The following TSPAN4 variants were observed in gnomAD, a reference collection of about 807,000 sequenced individuals.
The protein encoded by TSPAN4 is tetraspanin-4.
Under a neutral mutation model 31.5 loss-of-function variants are expected in TSPAN4, and 38 were observed. That is an observed-to-expected ratio of 1.21 (90% CI 0.93 to 1.58). The LOEUF (loss-of-function observed/expected upper bound fraction) is 1.58, where lower values mean the gene tolerates loss of function less well. TSPAN4 is among the 40% of genes most tolerant of loss of function. TSPAN4 has a pLI of 0.00. For missense variants in TSPAN4, 330 were observed against 317.3 expected, an observed-to-expected ratio of 1.04 and a Z score of -0.30; for synonymous variants, 186 against 144.6, an observed-to-expected ratio of 1.29 and a Z score of -2.06.
At position 865,688 on chromosome 11, in the gene TSPAN4, C is replaced by T. The variant is rs760446477; in HGVS notation, c.433-6C>T. 3.7e-6 allele frequency: 6 copies of T among 1,613,142 alleles called. No homozygotes were observed. In the African/African-American group the frequency reaches 4.0e-5, roughly 11 times the overall value. ...TGCCTCAGCCCGACCTGAGCTTGCC[C>T]CCCAGTTCCGCTGCTGTGGCGTCTC... On this transcript the variant is annotated splice_region_variant and splice_polypyrimidine_tract_variant and intron_variant, in intron 6 of 8. Transcript: ENST00000397397.
chr11:858,709 C>T (rs1297047394), intron 3 of TSPAN4: 1 of 162,856 alleles, frequency 6.1e-6, no homozygotes, highest in Non-Finnish European at 1.3e-5. Context: ...CACATGCACC[C>T]CGGTTCCCAC....
chr11:850,471 G>C (rs1398855420), intron 3 of TSPAN4, 104 bp downstream of exon 3: 1 of 1,000,230 alleles, frequency 1.0e-6, no homozygotes, highest in South Asian at 1.4e-5. Context: ...GCCAGGCGTT[G>C]GGTGCGGTTG....
intron 1 of TSPAN4, 150 bp downstream of exon 1, chr11:843,065 C>T (rs1315684025): frequency 6.7e-6 from 1 of 150,290 alleles, no homozygotes; most frequent in Non-Finnish European, 1.5e-5. Flanking sequence ...GGCGCGGGGG[C>T]TCGGGGAGAG....
At chr11:859,272 C>T (rs1848276898) in intron 3 of TSPAN4, among the ~76,000 whole-genome samples, 1 of 120,592 alleles carries the variant, frequency 8.3e-6, no homozygotes, top group Admixed American at 8.1e-5. Context: ...CACCCTGGCC[C>T]ACACGCACCT....
rs1159841833 is a variant in TSPAN4, at chr11:862,620, C to T, written c.134C>T (p.Ser45Phe). 1.9e-6 allele frequency: 3 copies of T among 1,613,204 alleles called. No individual in the cohort carries two copies. Among genetic ancestry groups the T allele is most frequent in the Non-Finnish European group, 2.5e-6 (3 of 1,179,886 alleles). The change falls in exon 4 of 9, where the codon TCC (serine) becomes TTC (phenylalanine). Residue 45 changes from serine (S) to phenylalanine (F), a missense_variant. Transcript: ENST00000397397. ...AATQGSFATL[S>F]SSFPSLSAAN... Reference sequence around the variant, plus strand: ...ACACAGGGGAGCTTCGCCACGCTGTCCTCTTCCTTCCCGTCCCTGTCGGCT... The same window carrying T: ...ACACAGGGGAGCTTCGCCACGCTGTTCTCTTCCTTCCCGTCCCTGTCGGCT...
rs1350943602 is a variant in TSPAN4, at chr11:862,744, G to T, written c.255+3G>T. ...AGAACAAGTGCCTCCTGCTCACTGT[G>T]AGTGCCGGGGCCCAAGCGATGCTCC... On this transcript the variant is annotated splice_donor_region_variant and intron_variant, in intron 4 of 8. Coordinates refer to ENST00000397397, the MANE Select transcript of TSPAN4 (RefSeq NM_003271.5). The T allele has an allele frequency of 1.2e-6, 2 of 1,607,836 alleles. No homozygotes were observed. Among genetic ancestry groups the T allele is most frequent in the Non-Finnish European group, 1.7e-6 (2 of 1,177,096 alleles).
chr11:850,060 A>G (rs1847574531), intron 2 of TSPAN4: 1 of 333,252 alleles, frequency 3.0e-6, no homozygotes, highest in South Asian at 7.2e-5. Flanking sequence ...GAGTCCACGT[A>G]CCGGCGCAGC....
chr11:861,510 A>G (rs1282256554), intron 3 of TSPAN4, among the ~76,000 whole-genome samples: 5 of 152,152 alleles, frequency 3.3e-5, no homozygotes, highest in Non-Finnish European at 7.3e-5. Flanking sequence ...TGGGAGATCA[A>G]GACCATCCTG....
intron 3 of TSPAN4, chr11:862,274 C>T (rs1848499974): frequency 2.0e-6 from 1 of 502,836 alleles, no homozygotes; most frequent in African/African-American, 2.0e-5. Flanking sequence ...GCGGATCCCT[C>T]CTAGAGGGAG....
intron 3 of TSPAN4, among the ~76,000 whole-genome samples, chr11:851,596 A>G (rs1387923086): frequency 1.3e-5 from 2 of 151,602 alleles, no homozygotes; most frequent in Non-Finnish European, 2.9e-5. Flanking sequence ...CCAGACATCC[A>G]CCTCCAGAAG....
intron 3 of TSPAN4, among the ~76,000 whole-genome samples, chr11:860,786 C>T (rs1308221855): frequency 6.6e-6 from 1 of 152,110 alleles, no homozygotes; most frequent in Non-Finnish European, 1.5e-5. Flanking sequence ...TCTGGGTGCT[C>T]CAAGGGGTTT....
At chr11:853,747 T>C (rs556646179) in intron 3 of TSPAN4, among the ~76,000 whole-genome samples, 1 of 152,098 alleles carries the variant, frequency 6.6e-6, no homozygotes, top group Non-Finnish European at 1.5e-5. Context: ...CTTCAGCAAA[T>C]AGAGGCCCTC....
intron 4 of TSPAN4, 189 bp downstream of exon 4, chr11:862,930 G>A (rs1848547055): frequency 1.6e-6 from 1 of 627,038 alleles, no homozygotes; most frequent in African/African-American, 1.8e-5. Context: ...CTGGGGCTGG[G>A]GGGTGATTTG....
intron 5 of TSPAN4, chr11:865,058 A>G (rs1848694670): frequency 5.5e-6 from 1 of 182,510 alleles, no homozygotes; most frequent in Admixed American, 5.4e-5. Flanking sequence ...GCACGTCCTG[A>G]CTTCCTGGCA....
chr11:849,656 G>A (rs1222037295), intron 2 of TSPAN4, among the ~76,000 whole-genome samples: 2 of 151,928 alleles, frequency 1.3e-5, no homozygotes, highest in Non-Finnish European at 2.9e-5. Context: ...GCCGGCGCGG[G>A]CGAAGGGGCC....
intron 3 of TSPAN4, among the ~76,000 whole-genome samples, chr11:854,894 G>A (rs536947722): frequency 1.3e-5 from 2 of 152,336 alleles, no homozygotes; most frequent in East Asian, 3.9e-4. Flanking sequence ...CTCTCTTTGA[G>A]GAGTTTAACA....
intron 3 of TSPAN4, among the ~76,000 whole-genome samples, chr11:860,401 G>C (rs1036483846): frequency 6.6e-6 from 1 of 152,234 alleles, no homozygotes; most frequent in East Asian, 1.9e-4. Flanking sequence ...GCCAGTAAAA[G>C]GGTGGCGGCC....
chr11:861,904 C>T (rs1565144436), intron 3 of TSPAN4, among the ~76,000 whole-genome samples: 1 of 152,140 alleles, frequency 6.6e-6, no homozygotes, highest in Non-Finnish European at 1.5e-5. Context: ...GCCTGAGCAA[C>T]AGGGTGAGAC....
chr11:853,646 C>T (rs1219290519), intron 3 of TSPAN4, among the ~76,000 whole-genome samples: 1 of 152,100 alleles, frequency 6.6e-6, no homozygotes, highest in Non-Finnish European at 1.5e-5. Context: ...TGTGTCCTGG[C>T]CTGGTGGTGG....
Sources: gnomAD v4.1 joint callset for allele counts (sites outside exome capture counted in the v4.1 genomes callset) on GRCh38, gnomAD v4.1.1 for gene constraint, MANE v1.5 for transcripts, NCBI Gene and HGNC (gene_info 2026-07-23, HGNC 2026-07-21) for gene names.